Variants in ATXN7 observed in about 807,000 individuals in gnomAD.
ATXN7 encodes ataxin 7, also known as ataxin-7.
In ATXN7, 12 loss-of-function variants were observed where a neutral mutation model predicts 70.5. The ratio of observed to expected loss-of-function variants is 0.17; its 90% CI spans 0.11 to 0.28. The LOEUF is 0.28. Among genes scored for constraint, ATXN7 ranks in the 10% least tolerant of loss-of-function variants. The pLI, the probability that ATXN7 is intolerant of heterozygous loss-of-function variation, is 1.00. For synonymous variants in ATXN7, 498 were observed against 448.7 expected (o/e 1.11, Z -1.39); for missense variants, 1,256 against 1,131.7 (o/e 1.11, Z -1.58).
At chr3:63,921,248 C>T (rs943914649) in intron 4 of ATXN7, among the ~76,000 whole-genome samples, 1 of 152,210 alleles carries the variant, frequency 6.6e-6, no homozygotes, top group South Asian at 2.1e-4. Flanking sequence ...GATTCACAAT[C>T]TTAAAACAGA....
At position 63,960,191 on chromosome 3, in the gene ATXN7, A is replaced by G. The variant is rs559281058; in HGVS notation, c.499+7708A>G. On this transcript the variant is annotated intron_variant, in intron 5 of 12. Coordinates refer to ENST00000674280, the MANE Select transcript of ATXN7 (RefSeq NM_001377405.1). ...AAGATGTAGAGGACAAGTGCTTCACATAGAGGAAATAGCAAGTGCAGAGGT... is the reference window on the plus strand; with the variant it reads ...AAGATGTAGAGGACAAGTGCTTCACGTAGAGGAAATAGCAAGTGCAGAGGT... Among the ~76,000 whole-genome samples the G allele has an allele frequency of 3.3e-5, 5 of 152,342 alleles. No homozygotes were observed. In the East Asian group the frequency reaches 9.7e-4, roughly 29 times the overall value.
upstream of ATXN7, chr3:63,863,560 G>C: frequency 8.4e-7 from 1 of 1,196,310 alleles, no homozygotes; most frequent in Non-Finnish European, 1.0e-6. Context: ...GGGTCTCCGA[G>C]GGGCGCTCGG....
At chr3:63,965,676 G>C (rs538146237) in intron 5 of ATXN7, among the ~76,000 whole-genome samples, 78 of 152,158 alleles carry the variant, frequency 5.1e-4, no homozygotes, top group African/African-American at 1.8e-3. Flanking sequence ...AGCCATCATT[G>C]GGATATTTAA....
At chr3:63,888,559 T>G (rs1422486898) in intron 1 of ATXN7, among the ~76,000 whole-genome samples, 1 of 152,114 alleles carries the variant, frequency 6.6e-6, no homozygotes, top group African/African-American at 2.4e-5. Flanking sequence ...CAGGTGGATC[T>G]TGAGGTCAAG....
At chr3:63,912,323 C>G (rs1704054890) in intron 2 of ATXN7, 1 of 152,646 alleles carries the variant, frequency 6.6e-6, no homozygotes, top group South Asian at 2.1e-4. Flanking sequence ...GGACCCAGCG[C>G]CGCGGTGGCG....
intron 11 of ATXN7, 102 bp from the exon 12 acceptor site, chr3:63,995,403 T>G: frequency 7.6e-7 from 1 of 1,316,046 alleles, no homozygotes; most frequent in East Asian, 2.4e-5. Context: ...TGCTTTGATG[T>G]GGATGGTTTC....
intron 4 of ATXN7, among the ~76,000 whole-genome samples, chr3:63,946,480 A>C (rs192765368): frequency 6.6e-6 from 1 of 152,072 alleles, no homozygotes; most frequent in Admixed American, 6.5e-5. Flanking sequence ...TCTACTAAAA[A>C]TACAAAAAGA....
At chr3:63,998,574 T>C in intron 12 of ATXN7, 1 of 985,370 alleles carries the variant, frequency 1.0e-6, no homozygotes, top group Non-Finnish European at 1.2e-6. Flanking sequence ...CAGTTTCCAC[T>C]TAAGTTTGTG....
intron 5 of ATXN7, among the ~76,000 whole-genome samples, chr3:63,956,216 T>C (rs2075036278): frequency 6.6e-6 from 1 of 151,968 alleles, no homozygotes; most frequent in South Asian, 2.1e-4. Context: ...CTCATATTTC[T>C]CTTCAGTTAC....
chr3:63,986,482 G>A (rs1645062894), intron 8 of ATXN7, among the ~76,000 whole-genome samples: 1 of 152,156 alleles, frequency 6.6e-6, no homozygotes, highest in African/African-American at 2.4e-5. Flanking sequence ...TTATACATCT[G>A]CTTGGAGAGA....
At chr3:63,975,033 G>C (rs1297201785) in intron 5 of ATXN7, among the ~76,000 whole-genome samples, 1 of 152,208 alleles carries the variant, frequency 6.6e-6, no homozygotes, top group Non-Finnish European at 1.5e-5. Flanking sequence ...GCCAGTTACA[G>C]TTTTCTGTGT....
intron 4 of ATXN7, among the ~76,000 whole-genome samples, chr3:63,926,654 C>T (rs1263602521): frequency 6.6e-6 from 1 of 152,126 alleles, no homozygotes; most frequent in Non-Finnish European, 1.5e-5. Context: ...TCCACTTGGG[C>T]TTTTTCCCAC....
intron 5 of ATXN7, among the ~76,000 whole-genome samples, chr3:63,978,534 A>G (rs2075429511): frequency 6.6e-6 from 1 of 152,236 alleles, no homozygotes; most frequent in Non-Finnish European, 1.5e-5. Context: ...ACATCTTCAG[A>G]TGCCAAATTT....
intron 4 of ATXN7, among the ~76,000 whole-genome samples, chr3:63,913,894 C>T (rs1373331032): frequency 1.3e-5 from 2 of 152,184 alleles, no homozygotes; most frequent in Admixed American, 6.5e-5. Context: ...AAATGAAAGT[C>T]AGGCCAGGTA....
intron 2 of ATXN7, among the ~76,000 whole-genome samples, chr3:63,910,844 A>G (rs922936093): frequency 4.6e-5 from 7 of 151,442 alleles, no homozygotes; most frequent in Non-Finnish European, 7.4e-5. Context: ...GTGTGTGTGT[A>G]TGTGTAAGTA....
chr3:63,978,111 C>T (rs780875976), intron 5 of ATXN7, among the ~76,000 whole-genome samples: 4 of 152,142 alleles, frequency 2.6e-5, no homozygotes, highest in Non-Finnish European at 4.4e-5. Flanking sequence ...GTGTCTCAAC[C>T]GTGGCTGCAC....
chr3:63,942,745 A>G (rs1341440100), intron 4 of ATXN7, among the ~76,000 whole-genome samples: 2 of 152,246 alleles, frequency 1.3e-5, no homozygotes, highest in Non-Finnish European at 2.9e-5. Context: ...ATAGTATTAC[A>G]TACATAGCAC....
In ATXN7 at chr3:63,912,659, G is replaced by A; in HGVS notation, c.61G>A (p.Gly21Ser). ...GCCGCGCCGCGCGGCGGCGGCGGCG[G>A]GCGGAGCAGCGGCCGCGGCCGCCCG... is the stretch of plus-strand genomic sequence containing the variant. ...GEPRRAAAAA[G>S]GAAAAAARQQ... The change falls in exon 3 of 13, where the codon GGC becomes AGC. Residue 21 changes from glycine (G) to serine (S), a missense_variant. Physicochemically the swap from Gly to Ser is moderately conservative, Grantham distance 56 (BLOSUM62 0). Coordinates refer to ENST00000674280, the MANE Select transcript of ATXN7 (RefSeq NM_001377405.1). The A allele has an allele frequency of 9.6e-7, 1 of 1,045,120 alleles. No homozygotes were observed. Among genetic ancestry groups the A allele is most frequent in the Non-Finnish European group, 1.2e-6 (1 of 865,960 alleles). The allele number at this position is 1,045,120 out of a possible 1,614,324, so 64.7% of individuals were successfully genotyped here. A position where few individuals can be genotyped will look rare whatever the true frequency, so the allele number is the denominator to read the frequency against.
At chr3:63,966,229 C>T (rs1426852993) in intron 5 of ATXN7, among the ~76,000 whole-genome samples, 2 of 152,120 alleles carry the variant, frequency 1.3e-5, no homozygotes, top group East Asian at 1.9e-4. Context: ...TGAGATTTAG[C>T]TCCAGAAAGA....
Sources: gnomAD v4.1 joint callset for allele counts (sites outside exome capture counted in the v4.1 genomes callset) on GRCh38, gnomAD v4.1.1 for gene constraint, MANE v1.5 for transcripts, NCBI Gene and HGNC (gene_info 2026-07-23, HGNC 2026-07-21) for gene names.